Variants in CSMD3 observed in about 807,000 individuals in gnomAD.
The protein encoded by CSMD3 is CUB and Sushi multiple domains 3, also known as CUB and sushi domain-containing protein 3.
In CSMD3, 177 loss-of-function variants were observed where a neutral mutation model predicts 435.2. The observed-to-expected ratio is 0.41, with a 90% CI of 0.36 to 0.46. CSMD3 has a LOEUF of 0.46. Among genes scored for constraint, CSMD3 ranks in the 20% least tolerant of loss-of-function variants. The probability of loss-of-function intolerance (pLI) is 0.34; values close to 1 mark genes in which losing one functional copy is unlikely to be tolerated. For missense variants in CSMD3, 4,265 were observed against 4,504.6 expected, an observed-to-expected ratio of 0.95 and a Z score of 1.52; for synonymous variants, 1,656 against 1,520.5, an observed-to-expected ratio of 1.09 and a Z score of -2.07.
intron 7 of CSMD3, among the ~76,000 whole-genome samples, chr8:112,970,395 C>CAA (rs11284034): frequency 1.3e-3 from 110 of 81,966 alleles, no homozygotes; most frequent in Middle Eastern, 7.2e-3. Flanking sequence ...GACTCCCTCT[C>CAA]AAAAAAAAAA....
At chr8:113,056,012 A>T (rs549789775) in intron 5 of CSMD3, among the ~76,000 whole-genome samples, 2 of 152,314 alleles carry the variant, frequency 1.3e-5, no homozygotes, top group Admixed American at 1.3e-4. Context: ...GAGATTCCCA[A>T]GATCCTGAAA....
At chr8:112,581,695 T>G (rs1830347132) in intron 23 of CSMD3, among the ~76,000 whole-genome samples, 2 of 152,082 alleles carry the variant, frequency 1.3e-5, no homozygotes, top group African/African-American at 2.4e-5. Context: ...AAAGTGGAGT[T>G]AAATAGTTCC....
In CSMD3 at chr8:112,228,746, A is replaced by G. The variant is rs771783634; in HGVS notation, c.10964+10T>C. 2 of 1,596,934 alleles carry G rather than the reference A, an allele frequency of 1.3e-6. No individual in the cohort carries two copies. Among genetic ancestry groups the G allele is most frequent in the Admixed American group, 1.7e-5 (1 of 59,988 alleles). ...GGAAACATTTTGTAGTTAAAAATCA[A>G]TGAGCTTACCTTTGTTTATAAAGAT... On this transcript the variant is annotated intron_variant, in intron 70 of 70. Transcript: ENST00000297405.
chr8:113,099,099 G>T, intron 4 of CSMD3, 136 bp from the exon 5 acceptor site: 2 of 664,778 alleles, frequency 3.0e-6, no homozygotes, highest in Non-Finnish European at 2.7e-6. Context: ...TATACTAATA[G>T]AGATTAAATA....
chr8:112,480,378 G>A (rs1819513832), intron 31 of CSMD3, among the ~76,000 whole-genome samples: 1 of 152,156 alleles, frequency 6.6e-6, no homozygotes. Flanking sequence ...ACTATTAGCA[G>A]GGGATGATTG....
At chr8:112,551,896 T>C (rs920340981) in intron 26 of CSMD3, among the ~76,000 whole-genome samples, 3 of 152,112 alleles carry the variant, frequency 2.0e-5, no homozygotes, top group Non-Finnish European at 2.9e-5. Context: ...GTAGCTCATA[T>C]GTCAAGGATG....
intron 27 of CSMD3, among the ~76,000 whole-genome samples, chr8:112,540,350 A>G (rs1457647412): frequency 6.6e-6 from 1 of 152,060 alleles, no homozygotes; most frequent in African/African-American, 2.4e-5. Context: ...TAATTAATGC[A>G]GCAACTATAT....
intron 13 of CSMD3, among the ~76,000 whole-genome samples, chr8:112,756,260 A>T (rs989845450): frequency 6.6e-6 from 1 of 152,144 alleles, no homozygotes; most frequent in Admixed American, 6.5e-5. Context: ...CATCTCATTA[A>T]ACTTGCAAAG....
rs1716092820 is a variant in CSMD3 at position 112,458,203 on chromosome 8, A to ACTCACACC, written c.5395+14387_5395+14388insGGTGTGAG. ...GTCCCCTTCAAATACGTACACACAC[A>ACTCACACC]CACACTCACACCCACACACACACAG... On this transcript the variant is annotated intron_variant, in intron 32 of 70. Transcript: ENST00000297405. 4.1e-5 allele frequency among the ~76,000 whole-genome samples: 6 copies of ACTCACACC among 146,354 alleles called. No homozygotes were observed. In the South Asian group the frequency reaches 1.3e-3, roughly 33 times the overall value.
At chr8:112,923,494 C>T (rs2082810780) in intron 9 of CSMD3, among the ~76,000 whole-genome samples, 1 of 152,110 alleles carries the variant, frequency 6.6e-6, no homozygotes, top group Admixed American at 6.6e-5. Flanking sequence ...GGTCTTTACA[C>T]TTGCTGTTAT....
intron 10 of CSMD3, among the ~76,000 whole-genome samples, chr8:112,894,595 A>G (rs1587603970): frequency 1.3e-5 from 2 of 151,408 alleles, no homozygotes; most frequent in Admixed American, 1.3e-4. Context: ...ATAAGAGATA[A>G]TATAGACAGA....
intron 11 of CSMD3, among the ~76,000 whole-genome samples, chr8:112,830,535 A>T (rs2079839759): frequency 6.6e-6 from 1 of 152,130 alleles, no homozygotes; most frequent in South Asian, 2.1e-4. Flanking sequence ...GTAATTAAGA[A>T]TCAGTACAGA....
chr8:112,813,335 T>C (rs1214298799), intron 12 of CSMD3, among the ~76,000 whole-genome samples: 1 of 152,164 alleles, frequency 6.6e-6, no homozygotes, highest in Admixed American at 6.6e-5. Context: ...CAAAGGCAAT[T>C]AACCATTTGT....
chr8:112,993,306 A>G (rs1395695372), intron 6 of CSMD3, among the ~76,000 whole-genome samples: 1 of 151,816 alleles, frequency 6.6e-6, no homozygotes. Flanking sequence ...ATGCTTTTCT[A>G]TGACCCTTTA....
intron 27 of CSMD3, among the ~76,000 whole-genome samples, chr8:112,545,028 TCAGTCTCTATTTCTA>T (rs1827019418): frequency 6.6e-6 from 1 of 152,178 alleles, no homozygotes; most frequent in Non-Finnish European, 1.5e-5. Context: ...AATCAACTGC[TCAGTCTCTATTTCTA>T]CACATACTTC....
chr8:113,363,729 A>C (rs2094293021), intron 1 of CSMD3, among the ~76,000 whole-genome samples: 1 of 152,178 alleles, frequency 6.6e-6, no homozygotes, highest in African/African-American at 2.4e-5. Context: ...TAATCTCTTC[A>C]TGTTAAGACG....
chr8:112,508,630 T>C (rs1215887454), intron 28 of CSMD3, among the ~76,000 whole-genome samples: 2 of 152,130 alleles, frequency 1.3e-5, no homozygotes, highest in Admixed American at 6.6e-5. Flanking sequence ...TGGTTCTCTC[T>C]AGCTTTGTTT....
At chr8:112,600,399 C>T (rs776413030) in intron 22 of CSMD3, among the ~76,000 whole-genome samples, 6 of 152,002 alleles carry the variant, frequency 3.9e-5, no homozygotes, top group Admixed American at 6.6e-5. Flanking sequence ...TGATTTATAA[C>T]GACAAGACCT....
intron 3 of CSMD3, among the ~76,000 whole-genome samples, chr8:113,242,779 T>G (rs1373497227): frequency 6.6e-6 from 1 of 152,032 alleles, no homozygotes; most frequent in African/African-American, 2.4e-5. Flanking sequence ...TTGAAGTATA[T>G]TTTTCTTTAT....
Sources: gnomAD v4.1 joint callset for allele counts (sites outside exome capture counted in the v4.1 genomes callset) on GRCh38, gnomAD v4.1.1 for gene constraint, MANE v1.5 for transcripts, NCBI Gene and HGNC (gene_info 2026-07-23, HGNC 2026-07-21) for gene names.